RARB: variants seen among roughly 807,000 people sequenced by gnomAD.
RARB encodes the protein HBV-activated protein.
RARB carries 17 observed loss-of-function variants against 51.9 expected under a neutral mutation model. That is an observed-to-expected ratio of 0.33 (90% confidence interval 0.22 to 0.49). The LOEUF (loss-of-function observed/expected upper bound fraction) is 0.49. Among genes scored for constraint, RARB ranks in the 20% least tolerant of loss-of-function variants. The pLI, the probability that RARB is intolerant of heterozygous loss-of-function variation, is 0.99. For synonymous variants in RARB, 215 were observed against 195.4 expected, an observed-to-expected ratio of 1.10 and a Z score of -0.84; for missense variants, 369 against 550.8, an observed-to-expected ratio of 0.67 and a Z score of 3.30.
At chr3:25,210,731 C>T (rs1701676373) in intron 5 of RARB, among the ~76,000 whole-genome samples, 2 of 151,458 alleles carry the variant, frequency 1.3e-5, no homozygotes, top group Non-Finnish European at 2.9e-5. Flanking sequence ...GAAGGGGTTT[C>T]ATCACATTGG....
intron 4 of RARB, among the ~76,000 whole-genome samples, chr3:25,153,111 AAACC>A (rs201144645): frequency 0.014 from 2,151 of 150,800 alleles, 21 homozygotes; most frequent in Middle Eastern, 0.027. Flanking sequence ...TTCATAATCC[AAACC>A]AACCAAGTAA....
At chr3:25,167,709 C>G (rs1022761817) in intron 4 of RARB, among the ~76,000 whole-genome samples, 5 of 152,190 alleles carry the variant, frequency 3.3e-5, no homozygotes, top group African/African-American at 1.2e-4. Context: ...AGAGGGGTTA[C>G]TGAGTTCTAG....
intron 2 of RARB, among the ~76,000 whole-genome samples, chr3:24,922,792 G>T (rs893460687): frequency 6.6e-6 from 1 of 152,136 alleles, no homozygotes; most frequent in African/African-American, 2.4e-5. Flanking sequence ...CATTGCTACA[G>T]CTGGCTGCTT....
At chr3:24,909,764 C>T (rs1402948923) in intron 2 of RARB, among the ~76,000 whole-genome samples, 1 of 152,014 alleles carries the variant, frequency 6.6e-6, no homozygotes, top group Non-Finnish European at 1.5e-5. Context: ...AGTATGTAAC[C>T]TGAGTGGTCT....
intron 3 of RARB, among the ~76,000 whole-genome samples, chr3:25,094,332 CATTT>C (rs1012386701): frequency 6.6e-6 from 1 of 152,096 alleles, no homozygotes; most frequent in Non-Finnish European, 1.5e-5. Flanking sequence ...GCCTAATAGT[CATTT>C]ATTAAGCACC....
chr3:25,103,910 A>G (rs1310405406), intron 3 of RARB, among the ~76,000 whole-genome samples: 2 of 152,086 alleles, frequency 1.3e-5, no homozygotes, highest in Non-Finnish European at 2.9e-5. Flanking sequence ...ATTGCTTGGA[A>G]GAGATTGTGT....
At chr3:25,089,330 C>A (rs1476089951) in intron 3 of RARB, among the ~76,000 whole-genome samples, 1 of 151,712 alleles carries the variant, frequency 6.6e-6, no homozygotes, top group Non-Finnish European at 1.5e-5. Context: ...CACAGTAATA[C>A]AAAATTAGAG....
At chr3:24,923,579 C>A (rs997951336) in intron 2 of RARB, among the ~76,000 whole-genome samples, 13 of 151,594 alleles carry the variant, frequency 8.6e-5, no homozygotes, top group African/African-American at 3.2e-4. Flanking sequence ...TTTTGAGATA[C>A]TGGGCAAAGG....
intron 1 of RARB, among the ~76,000 whole-genome samples, chr3:24,848,861 ACTGT>A (rs1702518195): frequency 6.6e-6 from 1 of 152,186 alleles, no homozygotes; most frequent in Non-Finnish European, 1.5e-5. Context: ...TCTGGGTATG[ACTGT>A]CTATGCCTTA....
chr3:24,883,187 A>T (rs557091154), intron 2 of RARB, among the ~76,000 whole-genome samples: 124 of 152,328 alleles, frequency 8.1e-4, no homozygotes, highest in Middle Eastern at 6.8e-3. Context: ...ATTAAAGCTG[A>T]ATTTTAAAGT....
chr3:25,202,986 T>A (rs1473260181), intron 5 of RARB, among the ~76,000 whole-genome samples: 1 of 152,196 alleles, frequency 6.6e-6, no homozygotes, highest in African/African-American at 2.4e-5. Flanking sequence ...TTCCTGGATA[T>A]CCTTGTTAAC....
chr3:25,153,845 T>A (rs941526388), intron 4 of RARB, among the ~76,000 whole-genome samples: 2 of 152,186 alleles, frequency 1.3e-5, no homozygotes, highest in Admixed American at 6.5e-5. Context: ...CTCAACATTG[T>A]GCATTGTACT....
chr3:25,059,526 T>G (rs1351008113), intron 2 of RARB, among the ~76,000 whole-genome samples: 3 of 151,852 alleles, frequency 2.0e-5, no homozygotes, highest in African/African-American at 7.2e-5. Flanking sequence ...TGTTCTGTAC[T>G]TTGTATTTCA....
chr3:25,592,562 TC>T (rs1701652894), intron 5 of RARB, among the ~76,000 whole-genome samples: 1 of 152,208 alleles, frequency 6.6e-6, no homozygotes, highest in Non-Finnish European at 1.5e-5. Flanking sequence ...GGATTGAGTA[TC>T]TACAGAAGCA....
intron 2 of RARB, among the ~76,000 whole-genome samples, chr3:24,937,592 A>G (rs1246535516): frequency 6.6e-6 from 1 of 152,176 alleles, no homozygotes; most frequent in Middle Eastern, 3.2e-3. Context: ...GCAAAGCAGT[A>G]GCGTGCGATA....
At chr3:25,483,558 AAG>A (rs1575447262) in intron 2 of RARB, among the ~76,000 whole-genome samples, 1 of 150,280 alleles carries the variant, frequency 6.7e-6, no homozygotes, top group African/African-American at 2.5e-5. Context: ...CACTCAAAAA[AAG>A]AGAGTGTGTG....
chr3:24,958,254 G>GGTTT (rs1696060686), intron 2 of RARB, among the ~76,000 whole-genome samples: 3 of 67,408 alleles, frequency 4.5e-5, no homozygotes, highest in African/African-American at 1.2e-4. Flanking sequence ...GAGCTGCTCA[G>GGTTT]GTTTTTTTTT....
intron 2 of RARB, among the ~76,000 whole-genome samples, chr3:24,994,890 C>T (rs1356735866): frequency 6.6e-6 from 1 of 151,968 alleles, no homozygotes; most frequent in African/African-American, 2.4e-5. Flanking sequence ...ATTTCAGTTA[C>T]TACAGTGTTG....
rs111785878 is a variant in RARB, at chr3:25,238,564, GT to G, written c.178+63995del. ...GGATTGTATAGTAGTTGCATTTTTA[GT>G]TTTTTGAAAAATTGCCATACACATT... On this transcript the variant is annotated intron_variant, in intron 5 of 11. Coordinates refer to the RARB transcript ENST00000383772. 7.2e-5 allele frequency among the ~76,000 whole-genome samples: 11 copies of G among 152,214 alleles called. 1 individual carries two copies. Among genetic ancestry groups the G allele is most frequent in the African/African-American group, 2.6e-4 (11 of 41,530 alleles).
Sources: gnomAD v4.1 joint callset for allele counts (sites outside exome capture counted in the v4.1 genomes callset) on GRCh38, gnomAD v4.1.1 for gene constraint, MANE v1.5 for transcripts, NCBI Gene and HGNC (gene_info 2026-07-23, HGNC 2026-07-21) for gene names.